Variants in PTPRD observed in about 807,000 individuals in gnomAD.
The protein encoded by PTPRD is receptor-type tyrosine-protein phosphatase delta.
Under a neutral mutation model 214.5 loss-of-function variants are expected in PTPRD, and 34 were observed. That is an observed-to-expected ratio of 0.16 (90% confidence interval 0.12 to 0.21). The LOEUF is 0.21. Ranked by LOEUF, PTPRD falls within the 10% of genes least tolerant of loss-of-function variation. The pLI is 1.00. For missense variants in PTPRD, 2,545 were observed against 2,398.7 expected, an observed-to-expected ratio of 1.06 and a Z score of -1.27; for synonymous variants, 1,128 against 845.7, an observed-to-expected ratio of 1.33 and a Z score of -5.79.
chr9:8,498,562 C>T (rs2097328056), intron 25 of PTPRD, among the ~76,000 whole-genome samples: 1 of 152,204 alleles, frequency 6.6e-6, no homozygotes. Context: ...CAACCTGGTG[C>T]CGCAGTTTTC....
chr9:8,504,111 T>C, intron 23 of PTPRD, 150 bp downstream of exon 23: 1 of 734,080 alleles, frequency 1.4e-6, no homozygotes, highest in Non-Finnish European at 2.2e-6. Context: ...GAAGTCACAG[T>C]TACACTTTCA....
intron 10 of PTPRD, among the ~76,000 whole-genome samples, chr9:9,058,813 T>C (rs1227534792): frequency 1.3e-5 from 2 of 151,888 alleles, no homozygotes; most frequent in Admixed American, 1.3e-4. Context: ...AAAAAACATG[T>C]CATAAAGTAA....
chr9:9,644,423 T>C (rs1370676674), intron 7 of PTPRD, among the ~76,000 whole-genome samples: 1 of 152,244 alleles, frequency 6.6e-6, no homozygotes. Flanking sequence ...TAGATTGCTT[T>C]ATTCTCAGAA....
chr9:9,390,320 C>G (rs1228850281), intron 9 of PTPRD, among the ~76,000 whole-genome samples: 5 of 152,064 alleles, frequency 3.3e-5, no homozygotes, highest in Non-Finnish European at 7.4e-5. Context: ...GAGTTTTGAG[C>G]AAAGATTATG....
rs147036945 is a variant in PTPRD, at chr9:8,702,682, C to T, written c.64+31098G>A. 1.1e-4 allele frequency among the ~76,000 whole-genome samples: 16 copies of T among 152,280 alleles called. No individual in the cohort carries two copies. The East Asian group carries it at 2.9e-3, about 28-fold the overall frequency. ...CAGCTGGAGTGCAGTGGCACGATCT[C>T]GGCTCACTGCAACCTCCCGTGTTCA... is the stretch of plus-strand genomic sequence containing the variant. On this transcript the variant is annotated intron_variant, in intron 12 of 45. Transcript: ENST00000381196.
chr9:9,944,510 A>G (rs929071609), intron 4 of PTPRD, among the ~76,000 whole-genome samples: 1 of 152,056 alleles, frequency 6.6e-6, no homozygotes, highest in African/African-American at 2.4e-5. Context: ...AAGATTAATA[A>G]AAAGATTTTT....
chr9:10,449,219 T>C (rs1004324952), intron 2 of PTPRD, among the ~76,000 whole-genome samples: 1 of 151,942 alleles, frequency 6.6e-6, no homozygotes, highest in Non-Finnish European at 1.5e-5. Flanking sequence ...TTTGTATTTT[T>C]TGGTGGAGAC....
At chr9:10,595,530 G>T (rs1373853533) in intron 2 of PTPRD, among the ~76,000 whole-genome samples, 1 of 151,184 alleles carries the variant, frequency 6.6e-6, no homozygotes, top group Non-Finnish European at 1.5e-5. Context: ...TAGACAAGTG[G>T]GTTCTTTTTG....
At chr9:8,916,024 A>G (rs1174914938) in intron 11 of PTPRD, among the ~76,000 whole-genome samples, 1 of 152,210 alleles carries the variant, frequency 6.6e-6, no homozygotes, top group East Asian at 1.9e-4. Context: ...GCTGGTGGTT[A>G]CATTCACTAA....
chr9:9,612,685 A>C (rs368246424), intron 7 of PTPRD, among the ~76,000 whole-genome samples: 5 of 152,128 alleles, frequency 3.3e-5, no homozygotes, highest in Admixed American at 3.3e-4. Flanking sequence ...TTTGAAAAAA[A>C]AGGAATATAA....
chr9:8,836,490 C>T (rs1601432174), intron 11 of PTPRD, among the ~76,000 whole-genome samples: 2 of 151,390 alleles, frequency 1.3e-5, no homozygotes, highest in South Asian at 4.2e-4. Flanking sequence ...AAAATCCATC[C>T]TAACAAAAAA....
At chr9:8,974,923 C>A (rs1379030484) in intron 11 of PTPRD, among the ~76,000 whole-genome samples, 3 of 151,394 alleles carry the variant, frequency 2.0e-5, no homozygotes, top group Non-Finnish European at 4.4e-5. Context: ...ATCGTGAAAC[C>A]CCGTCTGTAC....
Position 10,580,890 on chromosome 9 carries a change from T to C in PTPRD, c.-600+31508A>G, listed in dbSNP as rs558899349. Among the ~76,000 whole-genome samples the C allele has an allele frequency of 3.9e-5, 6 of 152,290 alleles. No homozygotes were observed. The South Asian group carries it at 1.2e-3, about 32-fold the overall frequency. On this transcript the variant is annotated intron_variant, in intron 2 of 45. Coordinates refer to ENST00000381196, the MANE Select transcript of PTPRD (RefSeq NM_002839.4). Reference sequence around the variant, plus strand: ...ACATAAATCTTAATATATCATAGACTTGCATGTCTAATGAGAACCAAATAG... The same window carrying C: ...ACATAAATCTTAATATATCATAGACCTGCATGTCTAATGAGAACCAAATAG...
intron 11 of PTPRD, among the ~76,000 whole-genome samples, chr9:8,931,276 G>A (rs1188481384): frequency 6.6e-6 from 1 of 151,894 alleles, no homozygotes; most frequent in African/African-American, 2.4e-5. Context: ...AGTTGTAGAT[G>A]TGTGGTATTA....
intron 9 of PTPRD, among the ~76,000 whole-genome samples, chr9:9,368,624 G>A (rs1022097379): frequency 4.0e-5 from 6 of 151,826 alleles, no homozygotes; most frequent in Non-Finnish European, 8.8e-5. Context: ...CTCTTAGGGG[G>A]AACTCTTGAA....
chr9:10,002,461 C>A (rs771195278), intron 4 of PTPRD, among the ~76,000 whole-genome samples: 1 of 150,086 alleles, frequency 6.7e-6, no homozygotes, highest in South Asian at 2.1e-4. Flanking sequence ...AATTCAAAGA[C>A]ACAAATCAGT....
intron 11 of PTPRD, among the ~76,000 whole-genome samples, chr9:8,853,552 A>G (rs1040380770): frequency 1.3e-5 from 2 of 152,184 alleles, no homozygotes; most frequent in Non-Finnish European, 2.9e-5. Context: ...AAACAAACCT[A>G]TCCTTTGGTA....
chr9:8,318,062 T>G, intron 45 of PTPRD, 120 bp from the exon 46 acceptor site: 2 of 869,008 alleles, frequency 2.3e-6, no homozygotes, highest in Non-Finnish European at 3.7e-6. Flanking sequence ...AATCACTACT[T>G]TCGTCAACTG....
intron 9 of PTPRD, among the ~76,000 whole-genome samples, chr9:9,335,846 CA>C (rs2044230480): frequency 6.6e-6 from 1 of 151,906 alleles, no homozygotes; most frequent in Admixed American, 6.6e-5. Flanking sequence ...ACTTTTGCAA[CA>C]AAAAACACAA....
Sources: gnomAD v4.1 joint callset for allele counts (sites outside exome capture counted in the v4.1 genomes callset) on GRCh38, gnomAD v4.1.1 for gene constraint, MANE v1.5 for transcripts, NCBI Gene and HGNC (gene_info 2026-07-23, HGNC 2026-07-21) for gene names.